TBC1D15: variants seen among roughly 807,000 people sequenced by gnomAD.
The protein encoded by TBC1D15 is TBC1 domain family member 15, also known as GAP for RAB7.
TBC1D15 carries 39 observed loss-of-function variants against 95.4 expected under a neutral mutation model. The observed-to-expected ratio is 0.41, with a 90% confidence interval of 0.32 to 0.53. The LOEUF (loss-of-function observed/expected upper bound fraction) is 0.53, where lower values mean the gene tolerates loss of function less well. Ranked by LOEUF, TBC1D15 falls within the 20% of genes least tolerant of loss-of-function variation. TBC1D15 has a pLI of 0.29. For missense variants in TBC1D15, 733 were observed against 794.3 expected (o/e 0.92, Z 0.93); for synonymous variants, 258 against 261.3 (o/e 0.99, Z 0.12).
At chr12:71,845,490 T>C (rs1886068419) in intron 1 of TBC1D15, among the ~76,000 whole-genome samples, 1 of 152,130 alleles carries the variant, frequency 6.6e-6, no homozygotes, top group African/African-American at 2.4e-5. Flanking sequence ...TTGACAGAAT[T>C]GGGAATATAG....
At chr12:71,898,242 A>G (rs1898616455) in intron 10 of TBC1D15, among the ~76,000 whole-genome samples, 1 of 152,028 alleles carries the variant, frequency 6.6e-6, no homozygotes, top group African/African-American at 2.4e-5. Context: ...AAAAAACTTT[A>G]TTTTCTTTTT....
In TBC1D15 at chr12:71,923,323, G is replaced by T; in HGVS notation, c.*119G>T. 1.2e-6 allele frequency: 1 copy of T among 845,314 alleles called. No homozygotes were observed. 52.4% of individuals were successfully genotyped at this position (845,314 alleles called of 1,614,324 possible). A position where few individuals can be genotyped will look rare whatever the true frequency, so the allele number is the denominator to read the frequency against. On this transcript the variant is annotated 3_prime_UTR_variant, in exon 17 of 17. Coordinates refer to ENST00000485960, the MANE Select transcript of TBC1D15 (RefSeq NM_001146213.3). The stretch of plus-strand genomic sequence containing the variant: ...GCTTTAAGGTTTATGTAAAGAAAGT[G>T]TACTGATGTTCTTACATTAAAGCTT...
At chr12:71,863,728 T>C (rs556795898) in intron 1 of TBC1D15, among the ~76,000 whole-genome samples, 22 of 152,298 alleles carry the variant, frequency 1.4e-4, no homozygotes, top group South Asian at 6.2e-4. Flanking sequence ...CTCTTTTTTT[T>C]CCCCTCACTG....
intron 1 of TBC1D15, chr12:71,849,189 A>G (rs540391509): frequency 2.2e-5 from 7 of 319,040 alleles, no homozygotes; most frequent in African/African-American, 1.5e-4. Context: ...CAAAAAAAAA[A>G]CAAAAAACTT....
At chr12:71,922,142 T>C (rs1371602112) in intron 16 of TBC1D15, among the ~76,000 whole-genome samples, 1 of 152,152 alleles carries the variant, frequency 6.6e-6, no homozygotes, top group African/African-American at 2.4e-5. Context: ...TGGAATGCAG[T>C]GGCGTGACCT....
intron 10 of TBC1D15, among the ~76,000 whole-genome samples, chr12:71,903,282 G>A (rs1274386600): frequency 2.0e-5 from 3 of 152,076 alleles, no homozygotes; most frequent in African/African-American, 7.2e-5. Context: ...AATATTACTA[G>A]TCATTATGGC....
rs565215880 is a variant in TBC1D15, at chr12:71,848,785, T to A, written c.30+8974T>A. ...TGCTAGCTTTTTAGTCACCTGAGAA[T>A]CAGGAAATTCACTTGGACGTAATTC... On this transcript the variant is annotated intron_variant, in intron 1 of 16. Transcript: ENST00000485960. Among the ~76,000 whole-genome samples, 4 of 152,340 alleles carry A rather than the reference T, an allele frequency of 2.6e-5. No homozygotes were observed. In the East Asian group the frequency reaches 5.8e-4, roughly 22 times the overall value.
At chr12:71,843,510 T>G (rs1307695903) in intron 1 of TBC1D15, among the ~76,000 whole-genome samples, 1 of 152,178 alleles carries the variant, frequency 6.6e-6, no homozygotes, top group Non-Finnish European at 1.5e-5. Flanking sequence ...ACATGGTAGT[T>G]AACTAGGGTA....
chr12:71,860,297 T>C (rs974249522), intron 1 of TBC1D15, among the ~76,000 whole-genome samples: 28 of 152,200 alleles, frequency 1.8e-4, no homozygotes, highest in African/African-American at 6.8e-4. Flanking sequence ...AAGGTTGTCA[T>C]TGGTATTTTG....
intron 3 of TBC1D15, among the ~76,000 whole-genome samples, chr12:71,877,210 GT>G (rs370164812): frequency 6.4e-4 from 86 of 133,854 alleles, no homozygotes; most frequent in Non-Finnish European, 7.6e-4. Flanking sequence ...GTGTGTGTGT[GT>G]TTTTTTTTTT....
intron 11 of TBC1D15, among the ~76,000 whole-genome samples, chr12:71,910,895 A>G (rs1370964837): frequency 6.6e-6 from 1 of 152,250 alleles, no homozygotes; most frequent in Non-Finnish European, 1.5e-5. Context: ...GCTGATATCC[A>G]GAATCTACAA....
chr12:71,886,598 C>T (rs919164124), intron 5 of TBC1D15, among the ~76,000 whole-genome samples: 36 of 152,206 alleles, frequency 2.4e-4, no homozygotes, highest in Admixed American at 1.5e-3. Context: ...GGAAGATTCT[C>T]GACTGTGTAT....
At chr12:71,915,947 C>T (rs1229297288) in intron 12 of TBC1D15, among the ~76,000 whole-genome samples, 1 of 152,064 alleles carries the variant, frequency 6.6e-6, no homozygotes, top group African/African-American at 2.4e-5. Flanking sequence ...TGTTTTATAG[C>T]TTTACTTCAT....
Position 71,880,573 on chromosome 12 carries a change from A to G in TBC1D15, c.309A>G (p.Thr103=), listed in dbSNP as rs746194099. The change falls in exon 4 of 17, where the codon ACA becomes ACG. Residue 103 remains threonine (T), a synonymous_variant. Coordinates refer to ENST00000485960, the MANE Select transcript of TBC1D15 (RefSeq NM_001146213.3). The stretch of plus-strand genomic sequence containing the variant: ...AAGCAGAATGGGACATGGTTAATAC[A>G]GTTTCATTTAAAAGGAAACCACATA... The part of the protein sequence containing the change: ...SYEAEWDMVN[T]VSFKRKPHTN... The G allele has an allele frequency of 3.3e-5, 53 of 1,610,460 alleles. No homozygotes were observed. The Admixed American group carries it at 5.9e-4, about 18-fold the overall frequency.
chr12:71,856,386 T>C (rs537677347), intron 1 of TBC1D15, among the ~76,000 whole-genome samples: 2 of 152,260 alleles, frequency 1.3e-5, no homozygotes, highest in Admixed American at 1.3e-4. Flanking sequence ...ATACATTCTT[T>C]TGCTGTTTTA....
chr12:71,897,683 A>G (rs1318336742), intron 9 of TBC1D15, among the ~76,000 whole-genome samples, 164 bp from the exon 10 acceptor site: 2 of 151,974 alleles, frequency 1.3e-5, no homozygotes, highest in Non-Finnish European at 2.9e-5. Flanking sequence ...TTTTGTTTTC[A>G]CTTATTTATC....
intron 1 of TBC1D15, among the ~76,000 whole-genome samples, chr12:71,848,992 T>A (rs1887048029): frequency 6.6e-6 from 1 of 152,100 alleles, no homozygotes; most frequent in Non-Finnish European, 1.5e-5. Context: ...GAAATAGAAT[T>A]TTGGCCTGTT....
intron 1 of TBC1D15, among the ~76,000 whole-genome samples, chr12:71,843,683 C>G (rs991330162): frequency 4.1e-4 from 63 of 152,212 alleles, no homozygotes; most frequent in African/African-American, 1.5e-3. Context: ...CAGTCTTGCT[C>G]TGTCACCCAG....
chr12:71,849,393 C>T, intron 1 of TBC1D15: 1 of 1,387,952 alleles, frequency 7.2e-7, no homozygotes, highest in Non-Finnish European at 1.0e-6. Context: ...TCCAGCTGAG[C>T]CACTTCCCAT....
Sources: gnomAD v4.1 joint callset for allele counts (sites outside exome capture counted in the v4.1 genomes callset) on GRCh38, gnomAD v4.1.1 for gene constraint, MANE v1.5 for transcripts, NCBI Gene and HGNC (gene_info 2026-07-23, HGNC 2026-07-21) for gene names.